Variants in CTNND2 observed in about 807,000 individuals in gnomAD.
CTNND2 encodes catenin delta 2, also known as catenin delta-2.
CTNND2 carries 22 observed loss-of-function variants against 144.4 expected under a neutral mutation model. The observed-to-expected ratio is 0.15, with a 90% CI of 0.11 to 0.22. CTNND2 has a LOEUF of 0.22. Ranked by LOEUF, CTNND2 falls within the 10% of genes least tolerant of loss-of-function variation. CTNND2 has a pLI of 1.00. For missense variants in CTNND2, 1,353 were observed against 1,618.8 expected (o/e 0.84, Z 2.82); for synonymous variants, 751 against 695.6 (o/e 1.08, Z -1.25).
intron 1 of CTNND2, among the ~76,000 whole-genome samples, chr5:11,768,215 T>C (rs1376886710): frequency 1.3e-5 from 2 of 152,206 alleles, no homozygotes; most frequent in Non-Finnish European, 2.9e-5. Flanking sequence ...TTATACTAAG[T>C]CATGAGCAGT....
At chr5:11,739,108 C>T (rs756582463) in intron 1 of CTNND2, among the ~76,000 whole-genome samples, 3 of 152,138 alleles carry the variant, frequency 2.0e-5, no homozygotes, top group Admixed American at 1.3e-4. Context: ...CTAGAGATGG[C>T]CAGTGGGTAC....
chr5:11,870,286 C>T (rs1269432272), intron 1 of CTNND2, among the ~76,000 whole-genome samples: 1 of 152,118 alleles, frequency 6.6e-6, no homozygotes, highest in East Asian at 1.9e-4. Context: ...CTAGCAGAGG[C>T]TTGCGATGCT....
intron 1 of CTNND2, among the ~76,000 whole-genome samples, chr5:11,744,787 C>A (rs1788221702): frequency 6.6e-6 from 1 of 151,836 alleles, no homozygotes; most frequent in Non-Finnish European, 1.5e-5. Flanking sequence ...CACTTTGTTG[C>A]CCAGGCTGGA....
chr5:11,135,380 T>C (rs1008787187), intron 12 of CTNND2, among the ~76,000 whole-genome samples: 1 of 152,174 alleles, frequency 6.6e-6, no homozygotes, highest in Non-Finnish European at 1.5e-5. Context: ...TATCCATCAT[T>C]TTATATGTGC....
At chr5:11,441,523 C>T (rs1264322626) in intron 3 of CTNND2, among the ~76,000 whole-genome samples, 7 of 151,590 alleles carry the variant, frequency 4.6e-5, no homozygotes, top group African/African-American at 1.5e-4. Context: ...GGATTACAGG[C>T]GCCCGCCACC....
chr5:11,164,177 T>C (rs1022178890), intron 11 of CTNND2, among the ~76,000 whole-genome samples: 1 of 152,130 alleles, frequency 6.6e-6, no homozygotes, highest in African/African-American at 2.4e-5. Flanking sequence ...TCTGATCACA[T>C]TGAGCCCACC....
chr5:11,231,734 A>T (rs1454855176), intron 10 of CTNND2, among the ~76,000 whole-genome samples: 2 of 152,268 alleles, frequency 1.3e-5, no homozygotes, highest in African/African-American at 4.8e-5. Context: ...AGCTTGCTGC[A>T]GAAATTTGCA....
chr5:11,544,193 G>C (rs187983554), intron 3 of CTNND2, among the ~76,000 whole-genome samples: 5 of 133,564 alleles, frequency 3.7e-5, no homozygotes, highest in African/African-American at 1.4e-4. Flanking sequence ...TTTTTTTTTT[G>C]AGACGGAGTC....
chr5:11,061,906 A>T (rs1381438346), intron 16 of CTNND2, among the ~76,000 whole-genome samples: 2 of 151,982 alleles, frequency 1.3e-5, no homozygotes, highest in Non-Finnish European at 2.9e-5. Context: ...ATGGGGTTTC[A>T]CCATGTTGGG....
intron 1 of CTNND2, among the ~76,000 whole-genome samples, chr5:11,897,775 C>T (rs893282839): frequency 1.3e-5 from 2 of 152,122 alleles, no homozygotes; most frequent in Non-Finnish European, 2.9e-5. Flanking sequence ...ATTTAAAGAG[C>T]TCAACTACCA....
chr5:11,383,868 G>A (rs1037046229), intron 7 of CTNND2, among the ~76,000 whole-genome samples: 6 of 152,186 alleles, frequency 3.9e-5, no homozygotes, highest in Non-Finnish European at 7.4e-5. Flanking sequence ...CTGAGCATAT[G>A]GTGCTAACAG....
At chr5:11,520,995 C>T (rs1221272212) in intron 3 of CTNND2, among the ~76,000 whole-genome samples, 1 of 152,090 alleles carries the variant, frequency 6.6e-6, no homozygotes, top group African/African-American at 2.4e-5. Flanking sequence ...TTACAGTTTA[C>T]GTGATACGAT....
intron 2 of CTNND2, among the ~76,000 whole-genome samples, chr5:11,601,979 C>A (rs1235719169): frequency 1.3e-5 from 2 of 152,024 alleles, no homozygotes; most frequent in African/African-American, 2.4e-5. Flanking sequence ...AAGATTTCGC[C>A]AGGTGGGGAA....
At chr5:11,293,095 T>C (rs534662061) in intron 9 of CTNND2, among the ~76,000 whole-genome samples, 3 of 150,056 alleles carry the variant, frequency 2.0e-5, no homozygotes, top group South Asian at 2.1e-4. Flanking sequence ...TATGCCATTA[T>C]ACAGCTGTGC....
intron 9 of CTNND2, among the ~76,000 whole-genome samples, chr5:11,338,379 G>A (rs908557907): frequency 6.7e-6 from 1 of 149,124 alleles, no homozygotes; most frequent in Admixed American, 6.6e-5. Context: ...TGGGTTGTCA[G>A]CTCTTGGGCC....
At chr5:11,247,536 G>C (rs1408365960) in intron 9 of CTNND2, among the ~76,000 whole-genome samples, 2 of 152,194 alleles carry the variant, frequency 1.3e-5, no homozygotes, top group Non-Finnish European at 2.9e-5. Flanking sequence ...AAAGTGAAGA[G>C]AGAAAACAGT....
At chr5:11,593,079 CT>C (rs1191329102) in intron 2 of CTNND2, among the ~76,000 whole-genome samples, 1 of 152,070 alleles carries the variant, frequency 6.6e-6, no homozygotes, top group Non-Finnish European at 1.5e-5. Flanking sequence ...TCAACTCCAT[CT>C]GGAGTGAAGG....
intron 2 of CTNND2, among the ~76,000 whole-genome samples, chr5:11,683,574 C>T (rs1402718613): frequency 6.6e-6 from 1 of 152,216 alleles, no homozygotes; most frequent in African/African-American, 2.4e-5. Context: ...TTTGCACTTA[C>T]ATGGTACTTT....
At chr5:11,900,089 A>G (rs1408611441) in intron 1 of CTNND2, among the ~76,000 whole-genome samples, 4 of 152,212 alleles carry the variant, frequency 2.6e-5, no homozygotes, top group Non-Finnish European at 5.9e-5. Context: ...AAAATGTTTC[A>G]ATATATGTAA....
Sources: gnomAD v4.1 joint callset for allele counts (sites outside exome capture counted in the v4.1 genomes callset) on GRCh38, gnomAD v4.1.1 for gene constraint, MANE v1.5 for transcripts, NCBI Gene and HGNC (gene_info 2026-07-23, HGNC 2026-07-21) for gene names.